ADD1: variants seen among roughly 807,000 people sequenced by gnomAD.
ADD1 encodes adducin 1.
A neutral mutation model predicts 80.5 loss-of-function variants in ADD1; 24 were observed. The ratio of observed to expected loss-of-function variants is 0.30; its 90% CI spans 0.22 to 0.42. ADD1 has a LOEUF of 0.42. Among genes scored for constraint, ADD1 ranks in the 10% least tolerant of loss-of-function variants. The pLI is 1.00. For synonymous variants in ADD1, 373 were observed against 393.8 expected (o/e 0.95, Z 0.63); for missense variants, 948 against 1,019.0 (o/e 0.93, Z 0.95).
intron 1 of ADD1, among the ~76,000 whole-genome samples, chr4:2,845,060 G>A (rs763781498): frequency 1.7e-4 from 25 of 150,698 alleles, no homozygotes; most frequent in Middle Eastern, 3.4e-3. Flanking sequence ...GCCTTGAATG[G>A]ACAAAGGCCC....
At chr4:2,865,400 G>C (rs1729397201) in intron 1 of ADD1, among the ~76,000 whole-genome samples, 2 of 152,178 alleles carry the variant, frequency 1.3e-5, no homozygotes, top group African/African-American at 2.4e-5. Context: ...ACCATCCTCA[G>C]AAGTTTCAGA....
intron 2 of ADD1, among the ~76,000 whole-genome samples, chr4:2,878,914 T>C (rs2108910169): frequency 6.6e-6 from 1 of 152,016 alleles, no homozygotes; most frequent in South Asian, 2.1e-4. Context: ...GGGTGATGAA[T>C]GGATGGAAGA....
At chr4:2,852,138 T>TTTTCTTTTCTTTCTTTC (rs1727191748) in intron 1 of ADD1, among the ~76,000 whole-genome samples, 1 of 97,580 alleles carries the variant, frequency 1.0e-5, no homozygotes, top group South Asian at 4.2e-4. Flanking sequence ...ACCCGGCCTC[T>TTTTCTTTTCTTTCTTTC]TTTCTTTCTT....
intron 1 of ADD1, among the ~76,000 whole-genome samples, chr4:2,870,543 G>C (rs1730267474): frequency 1.3e-5 from 2 of 152,108 alleles, no homozygotes; most frequent in African/African-American, 4.8e-5. Flanking sequence ...CAAACCAACT[G>C]TCCTTAGTCT....
At chr4:2,894,439 T>G (rs1440188307) in intron 5 of ADD1, 143 bp from the exon 6 acceptor site, 10 of 729,936 alleles carry the variant, frequency 1.4e-5, no homozygotes, top group Admixed American at 3.2e-5. Context: ...GAGGATTGTT[T>G]GAACCTGGGA....
intron 6 of ADD1, among the ~76,000 whole-genome samples, chr4:2,896,710 A>G (rs1384683331): frequency 6.6e-6 from 1 of 152,106 alleles, no homozygotes; most frequent in Non-Finnish European, 1.5e-5. Context: ...TTAAAGAACT[A>G]TTAAAGGTAC....
rs182900653 is a variant in ADD1 at position 2,881,169 on chromosome 4, C to G, written c.196-729C>G. ...CTCGGCTCACTGCAACCTCTGCCTC[C>G]TGGGTTCAAGCAATTCTCCTTTCTC... is the stretch of plus-strand genomic sequence containing the variant. On this transcript the variant is annotated intron_variant, in intron 2 of 15. Coordinates refer to ENST00000683351, the MANE Select transcript of ADD1 (RefSeq NM_001354761.2). 3.7e-3 allele frequency among the ~76,000 whole-genome samples: 546 copies of G among 148,994 alleles called. 1 individual carries two copies. The highest frequency in any genetic ancestry group is 7.0e-3 in the Middle Eastern group (2 of 286).
Position 2,852,982 on chromosome 4 carries a change from T to TCTAA in ADD1, c.-21+8960_-21+8963dup, listed in dbSNP as rs138827818. On this transcript the variant is annotated intron_variant, in intron 1 of 15. Coordinates refer to ENST00000683351, the MANE Select transcript of ADD1 (RefSeq NM_001354761.2). Reference sequence around the variant, plus strand: ...TTTGTAGCTGTGGAAATAGCTGTAATCTAACCATCAGAGTTGTTTTAAGGA... The same window carrying TCTAA: ...TTTGTAGCTGTGGAAATAGCTGTAATCTAACTAACCATCAGAGTTGTTTTAAGGA... Among the ~76,000 whole-genome samples the TCTAA allele has an allele frequency of 5.3e-3, 803 of 152,340 alleles. 1 individual carries two copies. Among genetic ancestry groups the TCTAA allele is most frequent in the African/African-American group, 0.018 (749 of 41,562 alleles).
intron 10 of ADD1, among the ~76,000 whole-genome samples, chr4:2,906,218 G>T (rs140320201): frequency 6.6e-6 from 1 of 152,186 alleles, no homozygotes; most frequent in Non-Finnish European, 1.5e-5. Context: ...CTGAGCGGCC[G>T]CGTCACCTGG....
intron 4 of ADD1, among the ~76,000 whole-genome samples, chr4:2,890,668 A>G (rs112454866): frequency 7.9e-5 from 12 of 152,232 alleles, no homozygotes; most frequent in African/African-American, 2.9e-4. Context: ...TCGCCCTCCC[A>G]AAGTGCTGGG....
At chr4:2,852,270 CTTCCTTCCTTCTT>C (rs1299534620) in intron 1 of ADD1, among the ~76,000 whole-genome samples, 1 of 98,286 alleles carries the variant, frequency 1.0e-5, no homozygotes, top group African/African-American at 3.8e-5. Flanking sequence ...TCCTTCCTTC[CTTCCTTCCTTCTT>C]TTCTTTTCTT....
intron 1 of ADD1, among the ~76,000 whole-genome samples, chr4:2,850,944 G>A (rs1726990051): frequency 6.6e-6 from 1 of 152,208 alleles, no homozygotes; most frequent in African/African-American, 2.4e-5. Flanking sequence ...GAATGGAGTG[G>A]GAATGAGGAA....
chr4:2,852,238 T>TC (rs375235720), intron 1 of ADD1, among the ~76,000 whole-genome samples: 1,467 of 72,626 alleles, frequency 0.02, 22 homozygotes, highest in African/African-American at 0.028. Context: ...TTCCTTTCTT[T>TC]CTTTCTTTCT....
chr4:2,876,745 A>C (rs946484572), intron 2 of ADD1, among the ~76,000 whole-genome samples: 71 of 152,136 alleles, frequency 4.7e-4, no homozygotes, highest in Non-Finnish European at 6.0e-4. Flanking sequence ...AGGCTGAGGC[A>C]GGAGAATGGC....
chr4:2,863,036 C>T (rs1729030425), intron 1 of ADD1, among the ~76,000 whole-genome samples: 1 of 151,968 alleles, frequency 6.6e-6, no homozygotes. Flanking sequence ...CTCCCCTCTA[C>T]CTCAGTACTG....
intron 1 of ADD1, among the ~76,000 whole-genome samples, chr4:2,864,412 C>G (rs913978804): frequency 5.3e-5 from 8 of 151,946 alleles, no homozygotes; most frequent in African/African-American, 1.9e-4. Context: ...GAGACTCCGC[C>G]TCAAAAAACA....
At chr4:2,885,649 G>C (rs547634537) in intron 4 of ADD1, among the ~76,000 whole-genome samples, 2 of 150,078 alleles carry the variant, frequency 1.3e-5, no homozygotes, top group Non-Finnish European at 3.0e-5. Flanking sequence ...TTGCTCTGTT[G>C]CCCAGGCTGG....
At chr4:2,885,804 G>A (rs1216091558) in intron 4 of ADD1, among the ~76,000 whole-genome samples, 2 of 151,674 alleles carry the variant, frequency 1.3e-5, no homozygotes, top group Admixed American at 6.6e-5. Context: ...TAGAGACGGG[G>A]TTTCACCGTG....
intron 1 of ADD1, among the ~76,000 whole-genome samples, chr4:2,849,366 A>G (rs990550435): frequency 6.6e-6 from 1 of 152,202 alleles, no homozygotes; most frequent in Non-Finnish European, 1.5e-5. Context: ...ATGCCTCCAA[A>G]ATACTGTTAT....
Sources: allele counts gnomAD v4.1 joint callset (sites outside exome capture counted in the v4.1 genomes callset), GRCh38; gene constraint gnomAD v4.1.1; transcripts MANE v1.5; gene names NCBI Gene and HGNC (gene_info 2026-07-23, HGNC 2026-07-21).